RBP4: variants seen among roughly 807,000 people sequenced by gnomAD.
The protein encoded by RBP4 is retinol-binding protein 4.
Under a neutral mutation model 26.2 loss-of-function variants are expected in RBP4, and 9 were observed. The ratio of observed to expected loss-of-function variants is 0.34; its 90% confidence interval spans 0.21 to 0.60. The LOEUF is 0.60. RBP4 is among the 20% of genes least tolerant of loss of function. The pLI is 0.80. For missense variants in RBP4, 244 were observed against 271.3 expected (o/e 0.90, Z 0.71); for synonymous variants, 114 against 111.0 (o/e 1.03, Z -0.17).
intron 4 of RBP4, 78 bp downstream of exon 4, chr10:93,600,315 C>T (rs934469775): frequency 3.5e-5 from 43 of 1,227,732 alleles, no homozygotes; most frequent in Non-Finnish European, 5.2e-5. Flanking sequence ...AGGGTAGGTA[C>T]CTCTGGAGAA....
At chr10:93,601,124 C>A (rs2134576919) in intron 1 of RBP4, 47 bp downstream of exon 1, 1 of 1,517,260 alleles carries the variant, frequency 6.6e-7, no homozygotes. Flanking sequence ...CCCCACCCCA[C>A]CCCGGCCCAT....
At chr10:93,600,125 A>C (rs777181141) in intron 4 of RBP4, among the ~76,000 whole-genome samples, 4 of 152,216 alleles carry the variant, frequency 2.6e-5, no homozygotes, top group Non-Finnish European at 4.4e-5. Flanking sequence ...ACCTTGGCAC[A>C]GTGGCTGGTG....
rs2134567584 is a variant in RBP4 at position 93,593,868 on chromosome 10, C to T, written c.523G>A (p.Glu175Lys). 6.2e-7 allele frequency: 1 copy of T among 1,612,964 alleles called. No individual in the cohort carries two copies. Among genetic ancestry groups the T allele is most frequent in the Non-Finnish European group, 8.5e-7 (1 of 1,179,992 alleles). Reference protein sequence around the residue: ...EAQKIVRQRQEELCLARQYRL... With the variant: ...EAQKIVRQRQKELCLARQYRL... ...TACTGCCTGGCCAGGCACAGCTCCT[C>T]CTGCCGCTGCCTTACAATCTTCTGC... Residue 175 changes from glutamate to lysine, a missense_variant, in exon 5 of 6, where the codon GAG (glutamate) becomes AAG (lysine). Glu to Lys is a moderately conservative substitution (Grantham distance 56, BLOSUM62 1). Coordinates refer to ENST00000371464, the MANE Select transcript of RBP4 (RefSeq NM_006744.4).
In RBP4 at chr10:93,600,761, C is replaced by G; in HGVS notation, c.154G>C (p.Gly52Arg). ...WYAMAKKDPE[G>R]LFLQDNIVAE... ...ACGATGTTGTCCTGCAGAAAGAGGC[C>G]CTCGGGGTCCTTCTTGGCCATGGCG... The change falls in exon 3 of 6, where the codon GGC becomes CGC. Residue 52 changes from glycine (G) to arginine (R), a missense_variant. Gly to Arg is a moderately radical substitution (Grantham distance 125). Transcript: ENST00000371464. The G allele has an allele frequency of 6.2e-7, 1 of 1,611,840 alleles. No homozygotes were observed. The highest frequency in any genetic ancestry group is 1.1e-5 in the South Asian group (1 of 90,564).
At chr10:93,598,984 C>T (rs755984886) in intron 4 of RBP4, among the ~76,000 whole-genome samples, 2 of 152,140 alleles carry the variant, frequency 1.3e-5, no homozygotes, top group Non-Finnish European at 2.9e-5. Context: ...TATGGTGGCT[C>T]ATACTTGTAA....
chr10:93,600,181 C>T lies in RBP4; in HGVS notation c.355+212G>A, dbSNP rs11187548. Among the ~76,000 whole-genome samples, 5,176 of 152,206 alleles carry T rather than the reference C, an allele frequency of 0.034. 295 individuals carry two copies. Among genetic ancestry groups the T allele is most frequent in the African/African-American group, 0.12 (4,830 of 41,506 alleles). Reference sequence around the variant, plus strand: ...ACCGAAAGGTCCTTTTGAGCTTAGGCCAGGTTTCTTGAGCTGAGGTTTGGG... The same window carrying T: ...ACCGAAAGGTCCTTTTGAGCTTAGGTCAGGTTTCTTGAGCTGAGGTTTGGG... On this transcript the variant is annotated intron_variant, in intron 4 of 5. Coordinates refer to ENST00000371464, the MANE Select transcript of RBP4 (RefSeq NM_006744.4).
At chr10:93,600,292 G>T (rs1245636338) in intron 4 of RBP4, 101 bp downstream of exon 4, 1 of 1,032,700 alleles carries the variant, frequency 9.7e-7, no homozygotes, top group East Asian at 2.4e-5. Context: ...CTTTCCGCAG[G>T]CCATTCTTCC....
At chr10:93,597,894 G>C (rs2058312462) in intron 4 of RBP4, among the ~76,000 whole-genome samples, 1 of 152,000 alleles carries the variant, frequency 6.6e-6, no homozygotes, top group East Asian at 1.9e-4. Flanking sequence ...CCATGGTCAG[G>C]GAAGAAACTG....
chr10:93,596,576 CAG>C (rs2058304282), intron 4 of RBP4, among the ~76,000 whole-genome samples: 1 of 152,180 alleles, frequency 6.6e-6, no homozygotes, highest in Admixed American at 6.5e-5. Flanking sequence ...GAGCTAGGGA[CAG>C]AGAGCGTTGG....
rs779604024 is a variant in RBP4 at position 93,593,832 on chromosome 10, C to T, written c.559G>A (p.Val187Ile). 1.1e-4 allele frequency: 175 copies of T among 1,611,578 alleles called. No individual in the cohort carries two copies. The highest frequency in any genetic ancestry group is 1.2e-4 in the South Asian group (11 of 90,984). The stretch of plus-strand genomic sequence containing the variant: ...CCTGCTCCTGACTCACCGTTGTGGA[C>T]GATCAGCCTGTACTGCCTGGCCAGG... ...LCLARQYRLIVHNGYCDGRSE... is the reference protein window; with the variant it reads ...LCLARQYRLIIHNGYCDGRSE... Residue 187 changes from valine to isoleucine, a missense_variant, in exon 5 of 6, where the codon GTC becomes ATC. Val to Ile is a conservative substitution (Grantham distance 29). Coordinates refer to ENST00000371464, the MANE Select transcript of RBP4 (RefSeq NM_006744.4).
intron 5 of RBP4, among the ~76,000 whole-genome samples, chr10:93,593,146 C>T (rs2058278068): frequency 6.6e-6 from 1 of 152,146 alleles, no homozygotes; most frequent in East Asian, 1.9e-4. Flanking sequence ...TTTAGCATTA[C>T]TGTATTTGGA....
chr10:93,597,479 C>T (rs930738644), intron 4 of RBP4, among the ~76,000 whole-genome samples: 3 of 152,106 alleles, frequency 2.0e-5, no homozygotes, highest in Admixed American at 6.5e-5. Context: ...ATTCTTTATC[C>T]CCATTTCATA....
chr10:93,591,792 C>A lies in RBP4; in HGVS notation c.*283G>T. On this transcript the variant is annotated 3_prime_UTR_variant, in exon 6 of 6. Transcript: ENST00000371464. ...CCTGGTATAAAGAAGCGCACCCCAC[C>A]CATCCGTCTGCAGCACAGACATAAA... The A allele has an allele frequency of 2.3e-6, 1 of 433,788 alleles. No individual in the cohort carries two copies. Among genetic ancestry groups the A allele is most frequent in the Non-Finnish European group, 4.2e-6 (1 of 239,688 alleles). The allele number at this position is 433,788 out of a possible 1,614,324, so 26.9% of individuals were successfully genotyped here.
intron 4 of RBP4, 36 bp from the exon 5 acceptor site, chr10:93,594,071 T>C: frequency 6.3e-7 from 1 of 1,594,872 alleles, no homozygotes; most frequent in Non-Finnish European, 8.6e-7. Context: ...GATCAATGCC[T>C]TTCCCTCATG....
rs1053926554 is a variant in RBP4, at chr10:93,593,961, C to G, written c.430G>C (p.Asp144His). 6.2e-7 allele frequency: 1 copy of G among 1,613,900 alleles called. No homozygotes were observed. Among genetic ancestry groups the G allele is most frequent in the Non-Finnish European group, 8.5e-7 (1 of 1,180,038 alleles). Residue 144 changes from aspartate (D) to histidine (H), a missense_variant, in exon 5 of 6, where the codon GAT becomes CAT. By Grantham distance (81) the Asp-to-His change is moderately conservative. Coordinates refer to ENST00000371464, the MANE Select transcript of RBP4 (RefSeq NM_006744.4). ...VQYSCRLLNL[D>H]GTCADSYSFV... The stretch of plus-strand genomic sequence containing the variant: ...GAGTAGCTGTCAGCACAGGTGCCAT[C>G]GAGGTTCAGGAGGCGGCAGGAGTAC...
chr10:93,597,909 G>A lies in RBP4; in HGVS notation c.355+2484C>T, dbSNP rs114294874. On this transcript the variant is annotated intron_variant, in intron 4 of 5. Transcript: ENST00000371464. ...CCATGGTCAGGGAAGAAACTGGCACGAGGAATGAAAGTAGAGTTTGTTAAG... is the reference window on the plus strand; with the variant it reads ...CCATGGTCAGGGAAGAAACTGGCACAAGGAATGAAAGTAGAGTTTGTTAAG... Among the ~76,000 whole-genome samples, 449 of 152,254 alleles carry A rather than the reference G, an allele frequency of 2.9e-3. 1 individual carries two copies. Among genetic ancestry groups the A allele is most frequent in the Middle Eastern group, 0.01 (3 of 294 alleles).
At chr10:93,601,473 G>A, upstream of RBP4, 1 of 917,474 alleles carries the variant, frequency 1.1e-6, no homozygotes, top group Non-Finnish European at 1.5e-6. Flanking sequence ...ATGCGCCAGC[G>A]GCCCTGGCTC....
intron 5 of RBP4, 53 bp from the exon 6 acceptor site, chr10:93,592,165 T>G: frequency 6.7e-7 from 1 of 1,492,338 alleles, no homozygotes; most frequent in Non-Finnish European, 9.4e-7. Flanking sequence ...CCAGTTTTTA[T>G]GTAGATAATG....
intron 4 of RBP4, among the ~76,000 whole-genome samples, chr10:93,596,385 A>AAATC (rs2058303182): frequency 6.6e-6 from 1 of 152,172 alleles, no homozygotes; most frequent in African/African-American, 2.4e-5. Context: ...CGAGGAATTT[A>AAATC]AATCATAGTG....
Sources: gnomAD v4.1 joint callset for allele counts (sites outside exome capture counted in the v4.1 genomes callset) on GRCh38, gnomAD v4.1.1 for gene constraint, MANE v1.5 for transcripts, NCBI Gene and HGNC (gene_info 2026-07-23, HGNC 2026-07-21) for gene names.